Variants in NALF1 observed in about 807,000 individuals in gnomAD.
NALF1 encodes the protein family with sequence similarity 155 member A.
Under a neutral mutation model 48.4 loss-of-function variants are expected in NALF1, and 3 were observed. The observed-to-expected ratio is 0.06, with a 90% CI of 0.03 to 0.16. The LOEUF is 0.16. Ranked by LOEUF, NALF1 falls within the 10% of genes least tolerant of loss-of-function variation. The pLI is 1.00. For missense variants in NALF1, 526 were observed against 571.5 expected (o/e 0.92, Z 0.81); for synonymous variants, 262 against 245.7 (o/e 1.07, Z -0.62).
chr13:107,737,979 T>C (rs2138541606), intron 1 of NALF1, among the ~76,000 whole-genome samples: 1 of 152,176 alleles, frequency 6.6e-6, no homozygotes, highest in South Asian at 2.1e-4. Flanking sequence ...AATACAAGCA[T>C]AAAAAAGCAG....
intron 2 of NALF1, among the ~76,000 whole-genome samples, chr13:107,187,388 C>T (rs1879197441): frequency 6.6e-6 from 1 of 152,112 alleles, no homozygotes; most frequent in Non-Finnish European, 1.5e-5. Flanking sequence ...TGGATCCTGG[C>T]TCTTCTACAT....
intron 1 of NALF1, among the ~76,000 whole-genome samples, chr13:107,361,962 T>C (rs944441376): frequency 1.3e-5 from 2 of 152,152 alleles, no homozygotes; most frequent in Admixed American, 1.3e-4. Context: ...TATGCCTTTT[T>C]CTCCTGTCTA....
At chr13:107,343,099 T>A (rs1882711684) in intron 1 of NALF1, among the ~76,000 whole-genome samples, 1 of 152,186 alleles carries the variant, frequency 6.6e-6, no homozygotes. Flanking sequence ...TCACAGAGAA[T>A]GTCTCCCAGG....
At chr13:107,751,832 T>C (rs2138553274) in intron 1 of NALF1, among the ~76,000 whole-genome samples, 1 of 152,252 alleles carries the variant, frequency 6.6e-6, no homozygotes, top group East Asian at 1.9e-4. Context: ...ACTAGCAACA[T>C]ACATGTGCAC....
At chr13:107,687,103 T>C (rs1038985365) in intron 1 of NALF1, among the ~76,000 whole-genome samples, 1 of 152,334 alleles carries the variant, frequency 6.6e-6, no homozygotes, top group East Asian at 1.9e-4. Context: ...ATATACACCA[T>C]GGAATACTAT....
chr13:107,569,148 C>T (rs776587285), intron 1 of NALF1, among the ~76,000 whole-genome samples: 11 of 152,044 alleles, frequency 7.2e-5, no homozygotes, highest in Non-Finnish European at 5.9e-5. Context: ...TTTTGAATAT[C>T]TAATTGCTCC....
At chr13:107,237,812 T>A (rs1267925249) in intron 1 of NALF1, among the ~76,000 whole-genome samples, 2 of 152,176 alleles carry the variant, frequency 1.3e-5, no homozygotes, top group Non-Finnish European at 2.9e-5. Flanking sequence ...TATATGCATA[T>A]ATGTATATTG....
At chr13:107,410,402 T>C (rs1325573401) in intron 1 of NALF1, among the ~76,000 whole-genome samples, 2 of 152,138 alleles carry the variant, frequency 1.3e-5, no homozygotes, top group African/African-American at 4.8e-5. Context: ...TATCAAGGAT[T>C]GGCCTATGAA....
intron 1 of NALF1, among the ~76,000 whole-genome samples, chr13:107,385,495 G>A (rs1658843621): frequency 6.9e-6 from 1 of 145,408 alleles, no homozygotes; most frequent in Non-Finnish European, 1.5e-5. Flanking sequence ...GGAGGTTGCA[G>A]TGAGCCAAAA....
chr13:107,283,617 A>ATTATTTATTTATTTAT (rs71121515), intron 1 of NALF1, among the ~76,000 whole-genome samples: 1 of 145,466 alleles, frequency 6.9e-6, no homozygotes, highest in Non-Finnish European at 1.5e-5. Flanking sequence ...GCGGATCTTC[A>ATTATTTATTTATTTAT]TTATTTATTT....
intron 1 of NALF1, among the ~76,000 whole-genome samples, chr13:107,293,171 G>A (rs1047625767): frequency 1.3e-5 from 2 of 151,490 alleles, no homozygotes; most frequent in Non-Finnish European, 2.9e-5. Flanking sequence ...TAGTAGAGAT[G>A]GGGTTTCACC....
At chr13:107,676,965 T>C (rs4772906) in intron 1 of NALF1, among the ~76,000 whole-genome samples, 80,729 of 152,028 alleles carry the variant, frequency 0.53, 21,892 homozygotes, top group Middle Eastern at 0.67. Context: ...TACAGATTTA[T>C]GGCTTTGATG....
chr13:107,187,617 A>C (rs1404252425), intron 2 of NALF1, among the ~76,000 whole-genome samples: 1 of 152,192 alleles, frequency 6.6e-6, no homozygotes, highest in Non-Finnish European at 1.5e-5. Flanking sequence ...GGAGTGAACA[A>C]CACCACGCAT....
At chr13:107,477,670 A>G (rs910021540) in intron 1 of NALF1, among the ~76,000 whole-genome samples, 4 of 152,072 alleles carry the variant, frequency 2.6e-5, no homozygotes, top group Non-Finnish European at 4.4e-5. Context: ...ATTTCAGACA[A>G]GTTTCTTGAT....
At chr13:107,710,189 A>C (rs770212198) in intron 1 of NALF1, among the ~76,000 whole-genome samples, 1 of 152,102 alleles carries the variant, frequency 6.6e-6, no homozygotes, top group Non-Finnish European at 1.5e-5. Flanking sequence ...AGAAAGAAAG[A>C]AAAGAAAGGA....
At chr13:107,310,274 G>A (rs1882019099) in intron 1 of NALF1, among the ~76,000 whole-genome samples, 1 of 151,990 alleles carries the variant, frequency 6.6e-6, no homozygotes, top group Non-Finnish European at 1.5e-5. Flanking sequence ...GCCGGGCGTG[G>A]TGGCGGGCAC....
At chr13:107,265,144 G>T (rs1486999142) in intron 1 of NALF1, among the ~76,000 whole-genome samples, 1 of 152,150 alleles carries the variant, frequency 6.6e-6, no homozygotes, top group Non-Finnish European at 1.5e-5. Context: ...ATTATTACAA[G>T]ATTAAGTAAC....
intron 1 of NALF1, among the ~76,000 whole-genome samples, chr13:107,539,327 A>C (rs1188699694): frequency 6.6e-6 from 1 of 151,956 alleles, no homozygotes; most frequent in African/African-American, 2.4e-5. Flanking sequence ...AAGCATACTC[A>C]CTTTTACAAC....
At chr13:107,222,466 T>A (rs1159338691) in intron 1 of NALF1, among the ~76,000 whole-genome samples, 1 of 152,292 alleles carries the variant, frequency 6.6e-6, no homozygotes, top group Non-Finnish European at 1.5e-5. Flanking sequence ...AGAGCACAAG[T>A]GATTGCAAAG....
Sources: allele counts gnomAD v4.1 joint callset (sites outside exome capture counted in the v4.1 genomes callset), GRCh38; gene constraint gnomAD v4.1.1; transcripts MANE v1.5; gene names NCBI Gene and HGNC (gene_info 2026-07-23, HGNC 2026-07-21).